The following PHIP variants were observed in gnomAD, a reference collection of about 807,000 sequenced individuals.
PHIP encodes the protein PHIP subunit of CUL4-Ring ligase complex.
Under a neutral mutation model 236.8 loss-of-function variants are expected in PHIP, and 54 were observed. The ratio of observed to expected loss-of-function variants is 0.23; its 90% confidence interval spans 0.18 to 0.29. The LOEUF (loss-of-function observed/expected upper bound fraction) is 0.29. PHIP is among the 10% of genes least tolerant of loss of function. PHIP has a pLI of 1.00. For missense variants in PHIP, 1,370 were observed against 2,190.8 expected (o/e 0.63, Z 7.48); for synonymous variants, 756 against 718.9 (o/e 1.05, Z -0.83).
At chr6:78,974,082 AG>A (rs1562141231) in intron 24 of PHIP, among the ~76,000 whole-genome samples, 2 of 152,274 alleles carry the variant, frequency 1.3e-5, no homozygotes, top group Admixed American at 6.5e-5. Flanking sequence ...CATTTTTTTC[AG>A]CACCACACCA....
intron 23 of PHIP, among the ~76,000 whole-genome samples, chr6:78,980,653 C>T (rs192591574): frequency 3.9e-4 from 60 of 152,018 alleles, no homozygotes; most frequent in African/African-American, 1.4e-3. Flanking sequence ...GATATATACA[C>T]AGTTATCAAA....
chr6:78,978,795 A>AG, intron 23 of PHIP, 84 bp from the exon 24 acceptor site: 5 of 1,107,566 alleles, frequency 4.5e-6, no homozygotes, highest in Non-Finnish European at 6.4e-6. Context: ...AACTATAAAG[A>AG]TAATTAAATA....
intron 20 of PHIP, 117 bp downstream of exon 20, chr6:78,990,749 CTA>C: frequency 1.9e-6 from 1 of 518,728 alleles, no homozygotes; most frequent in South Asian, 3.8e-5. Context: ...CCAAGATTTA[CTA>C]TGTTAATTTT....
chr6:79,030,804 G>C (rs1034819567), intron 7 of PHIP, among the ~76,000 whole-genome samples: 3 of 152,136 alleles, frequency 2.0e-5, no homozygotes, highest in Non-Finnish European at 4.4e-5. Flanking sequence ...CAGGTTTTAA[G>C]AAATCCATGG....
At chr6:79,042,673 G>A (rs1158674543) in intron 7 of PHIP, among the ~76,000 whole-genome samples, 170 bp downstream of exon 7, 1 of 151,864 alleles carries the variant, frequency 6.6e-6, no homozygotes, top group African/African-American at 2.4e-5. Context: ...TTCTGAATTT[G>A]GATAAAGTCC....
At chr6:79,071,635 ATAAG>A (rs1167716545) in intron 4 of PHIP, among the ~76,000 whole-genome samples, 2 of 152,228 alleles carry the variant, frequency 1.3e-5, no homozygotes, top group South Asian at 2.1e-4. Flanking sequence ...GTTATTTTAA[ATAAG>A]TATGTTTGGT....
intron 22 of PHIP, among the ~76,000 whole-genome samples, 153 bp from the exon 23 acceptor site, chr6:78,983,270 A>C (rs578163465): frequency 6.6e-6 from 1 of 152,260 alleles, no homozygotes; most frequent in African/African-American, 2.4e-5. Flanking sequence ...TCATCTTCAA[A>C]AGTTTCTTGA....
chr6:79,069,169 A>G (rs1427871662), intron 4 of PHIP, among the ~76,000 whole-genome samples: 1 of 147,962 alleles, frequency 6.8e-6, no homozygotes, highest in Non-Finnish European at 1.5e-5. Context: ...ATATACATTA[A>G]TTATATTTTA....
At chr6:79,020,381 G>A (rs1771058458) in intron 9 of PHIP, among the ~76,000 whole-genome samples, 1 of 152,110 alleles carries the variant, frequency 6.6e-6, no homozygotes, top group Non-Finnish European at 1.5e-5. Context: ...TGTAACAGAT[G>A]AGCAGAACAA....
At chr6:79,006,223 T>G (rs1770283945) in intron 15 of PHIP, among the ~76,000 whole-genome samples, 1 of 151,988 alleles carries the variant, frequency 6.6e-6, no homozygotes, top group African/African-American at 2.4e-5. Context: ...CTTCATCAAT[T>G]AAAAGACCAA....
intron 7 of PHIP, among the ~76,000 whole-genome samples, chr6:79,039,279 T>TA (rs1772093618): frequency 1.3e-5 from 2 of 152,304 alleles, no homozygotes; most frequent in African/African-American, 4.8e-5. Flanking sequence ...TGAGCCATAT[T>TA]TATTCTATGC....
At chr6:79,063,918 GA>G (rs1773502604) in intron 4 of PHIP, among the ~76,000 whole-genome samples, 1 of 152,098 alleles carries the variant, frequency 6.6e-6, no homozygotes. Context: ...TCTCTGGAAA[GA>G]ACAGTGGAAA....
chr6:78,938,776 GA>G lies in PHIP; in HGVS notation c.*1916del, dbSNP rs1298789508. ...ATCTCAGCAATGCAGTCAAGATCTG[GA>G]AAATGGTTTACTTAATTTCACAGGA... On this transcript the variant is annotated 3_prime_UTR_variant, in exon 40 of 40. Coordinates refer to ENST00000275034, the MANE Select transcript of PHIP (RefSeq NM_017934.7). 3 of 151,598 alleles carry G rather than the reference GA, an allele frequency of 2.0e-5. No homozygotes were observed. Among genetic ancestry groups the G allele is most frequent in the Non-Finnish European group, 4.4e-5 (3 of 67,624 alleles). The allele number at this position is 151,598 out of a possible 1,614,324, so 9.4% of individuals were successfully genotyped here.
At chr6:79,058,889 TG>T (rs982555895) in intron 6 of PHIP, among the ~76,000 whole-genome samples, 1 of 152,084 alleles carries the variant, frequency 6.6e-6, no homozygotes, top group Non-Finnish European at 1.5e-5. Context: ...TTTTCCTAAA[TG>T]GGAAAACTCC....
intron 24 of PHIP, among the ~76,000 whole-genome samples, chr6:78,972,722 G>A (rs2127708422): frequency 1.3e-5 from 2 of 152,304 alleles, no homozygotes; most frequent in African/African-American, 2.4e-5. Flanking sequence ...CGAGAACTAT[G>A]TGAAGAATGC....
intron 24 of PHIP, 28 bp from the exon 25 acceptor site, chr6:78,970,916 C>T (rs1187219650): frequency 1.4e-6 from 2 of 1,474,098 alleles, no homozygotes; most frequent in Non-Finnish European, 1.9e-6. Flanking sequence ...AATCTTACAA[C>T]CTGGATGTGT....
chr6:79,044,750 A>G (rs1297029967), intron 6 of PHIP, among the ~76,000 whole-genome samples: 1 of 152,154 alleles, frequency 6.6e-6, no homozygotes, highest in Admixed American at 6.6e-5. Flanking sequence ...ATCAAGACCC[A>G]TTTCTCGATG....
In PHIP at chr6:78,982,949, T is replaced by C; in HGVS notation, c.2706A>G (p.Val902=). The C allele has an allele frequency of 6.2e-7, 1 of 1,602,146 alleles. No homozygotes were observed. Among genetic ancestry groups the C allele is most frequent in the Non-Finnish European group, 8.5e-7 (1 of 1,175,154 alleles). The change falls in exon 23 of 40, where the codon GTA becomes GTG. Residue 902 remains valine, a synonymous_variant. Coordinates refer to ENST00000275034, the MANE Select transcript of PHIP (RefSeq NM_017934.7). ...QKQIKKEKKK[V]NEEKDGPISP... is the part of the protein sequence containing the mutation. ...ATATTGGTCCATCTTTTTCTTCATTTACTTTTTTCTTTTCCTTTTTAATCT... is the reference window on the plus strand; with the variant it reads ...ATATTGGTCCATCTTTTTCTTCATTCACTTTTTTCTTTTCCTTTTTAATCT...
chr6:78,989,959 C>T (rs1023334164), intron 20 of PHIP, among the ~76,000 whole-genome samples: 1 of 151,758 alleles, frequency 6.6e-6, no homozygotes, highest in African/African-American at 2.4e-5. Flanking sequence ...CCTACTGATC[C>T]CAGGGTATGA....
Sources: gnomAD v4.1 joint callset for allele counts (sites outside exome capture counted in the v4.1 genomes callset) on GRCh38, gnomAD v4.1.1 for gene constraint, MANE v1.5 for transcripts, NCBI Gene and HGNC (gene_info 2026-07-23, HGNC 2026-07-21) for gene names.